DDX46: variants seen among roughly 807,000 people sequenced by gnomAD.
DDX46 encodes DEAD-box helicase 46.
DDX46 carries 30 observed loss-of-function variants against 134.9 expected under a neutral mutation model. The observed-to-expected ratio is 0.22, with a 90% CI of 0.17 to 0.30. The LOEUF (loss-of-function observed/expected upper bound fraction) is 0.30. DDX46 is among the 10% of genes least tolerant of loss of function. The pLI is 1.00. For missense variants in DDX46, 622 were observed against 1,248.7 expected, an observed-to-expected ratio of 0.50 and a Z score of 7.56; for synonymous variants, 415 against 404.1, an observed-to-expected ratio of 1.03 and a Z score of -0.32.
intron 21 of DDX46, among the ~76,000 whole-genome samples, chr5:134,825,087 AC>A (rs1401529435): frequency 2.0e-5 from 3 of 152,160 alleles, no homozygotes; most frequent in African/African-American, 7.2e-5. Flanking sequence ...CAGAATTTAA[AC>A]TGGTCCAAAT....
At chr5:134,792,134 A>G (rs947486234) in intron 13 of DDX46, among the ~76,000 whole-genome samples, 3 of 152,124 alleles carry the variant, frequency 2.0e-5, no homozygotes, top group Non-Finnish European at 2.9e-5. Context: ...CCGAGATCGC[A>G]TTACTGTACT....
At chr5:134,763,873 G>C in intron 1 of DDX46, 31 bp from the exon 2 acceptor site, 1 of 1,585,802 alleles carries the variant, frequency 6.3e-7, no homozygotes, top group East Asian at 2.3e-5. Context: ...AATGGTGTTT[G>C]CTGAACTTAA....
rs1754199940 is a variant in DDX46, at chr5:134,782,930, G to A, written c.1046-15G>A. 2.5e-6 allele frequency: 4 copies of A among 1,608,702 alleles called. No individual in the cohort carries two copies. Among genetic ancestry groups the A allele is most frequent in the African/African-American group, 1.3e-5 (1 of 74,620 alleles). On this transcript the variant is annotated splice_polypyrimidine_tract_variant and intron_variant, in intron 8 of 22. Coordinates refer to ENST00000452510, the MANE Select transcript of DDX46 (RefSeq NM_001300860.2). ...ACAATATTTAAGAACTTTTAATCTGGGTTTTGTTTTGTAGAGGTAAATGTG... is the reference window on the plus strand; with the variant it reads ...ACAATATTTAAGAACTTTTAATCTGAGTTTTGTTTTGTAGAGGTAAATGTG...
chr5:134,768,404 CTGGCCAGAAAAATT>C (rs1158131136), intron 3 of DDX46, among the ~76,000 whole-genome samples: 3 of 151,502 alleles, frequency 2.0e-5, no homozygotes, highest in Non-Finnish European at 4.4e-5. Flanking sequence ...GCCACCGTGC[CTGGCCAGAAAAATT>C]TTTAAATTGC....
At position 134,817,615 on chromosome 5, in the gene DDX46, T is replaced by C; in HGVS notation, c.2733T>C (p.Tyr911=). The part of the protein sequence containing the change: ...LAEKINAKLN[Y]VPLEKQEEER... ...AAAAGATCAATGCCAAGCTCAATTA[T>C]GTGCCGTTAGAGAAACAAGAAGAAG... Residue 911 remains tyrosine (Y), a synonymous_variant, in exon 20 of 23, where the codon TAT becomes TAC. Coordinates refer to ENST00000452510, the MANE Select transcript of DDX46 (RefSeq NM_001300860.2). The C allele has an allele frequency of 6.2e-7, 1 of 1,614,170 alleles. No individual in the cohort carries two copies. The highest frequency in any genetic ancestry group is 8.5e-7 in the Non-Finnish European group (1 of 1,180,032).
chr5:134,805,609 A>G (rs185579500), intron 15 of DDX46, among the ~76,000 whole-genome samples: 17 of 151,580 alleles, frequency 1.1e-4, no homozygotes, highest in African/African-American at 3.9e-4. Context: ...GCTCACGGCA[A>G]TTTCCACCTC....
At chr5:134,817,861 A>G (rs1344000640) in intron 20 of DDX46, 147 bp downstream of exon 20, 11 of 675,320 alleles carry the variant, frequency 1.6e-5, no homozygotes, top group Non-Finnish European at 2.7e-5. Context: ...TTTGATTTTT[A>G]TGAGTATGTT....
At chr5:134,811,113 ATGT>A in intron 16 of DDX46, 105 bp from the exon 17 acceptor site, 1 of 942,438 alleles carries the variant, frequency 1.1e-6, no homozygotes, top group Non-Finnish European at 1.5e-6. Flanking sequence ...TCTTTAGTTA[ATGT>A]TGTCAATCTC....
At chr5:134,784,762 C>T (rs1580791056) in intron 10 of DDX46, 1 of 296,384 alleles carries the variant, frequency 3.4e-6, no homozygotes, top group African/African-American at 2.2e-5. Context: ...AACAGCCTCT[C>T]CTGGCACAGC....
chr5:134,806,225 A>G (rs78667698), intron 15 of DDX46, among the ~76,000 whole-genome samples: 12 of 152,142 alleles, frequency 7.9e-5, no homozygotes, highest in Admixed American at 2.0e-4. Flanking sequence ...AAAAAAAAAA[A>G]AGAGACATCC....
chr5:134,804,996 G>A, intron 15 of DDX46: 1 of 381,714 alleles, frequency 2.6e-6, no homozygotes, highest in South Asian at 2.3e-5. Context: ...CATGCCACCT[G>A]CAGATTTTGG....
Position 134,782,159 on chromosome 5 carries a change from A to C in DDX46, c.1045+73A>C. The C allele has an allele frequency of 9.5e-6, 13 of 1,375,218 alleles. No homozygotes were observed. The South Asian group carries it at 1.7e-4, about 18-fold the overall frequency. The allele number at this position is 1,375,218 out of a possible 1,614,324, so 85.2% of individuals were successfully genotyped here. On this transcript the variant is annotated intron_variant, in intron 8 of 22. Transcript: ENST00000452510. ...ATACATTTCACATTGCTCAAGAGAA[A>C]TGTGGATAGTGTCTCATGAAGGAGG...
intron 16 of DDX46, among the ~76,000 whole-genome samples, chr5:134,810,343 CTT>C: frequency 6.9e-6 from 1 of 144,914 alleles, no homozygotes; most frequent in East Asian, 2.0e-4. Flanking sequence ...ACCTATGTTT[CTT>C]TTTTTTTTTT....
At chr5:134,764,829 C>CCATCTCT (rs1753511054) in intron 2 of DDX46, among the ~76,000 whole-genome samples, 1 of 151,184 alleles carries the variant, frequency 6.6e-6, no homozygotes, top group Non-Finnish European at 1.5e-5. Flanking sequence ...TTCCCTCCCT[C>CCATCTCT]CCTTCCTCCA....
intron 4 of DDX46, 112 bp from the exon 5 acceptor site, chr5:134,773,584 C>T: frequency 8.0e-7 from 1 of 1,252,806 alleles, no homozygotes; most frequent in South Asian, 1.8e-5. Flanking sequence ...TGCCTTTTTT[C>T]CCCTTCTTTA....
intron 11 of DDX46, among the ~76,000 whole-genome samples, chr5:134,787,480 A>C (rs1452709352): frequency 6.6e-6 from 1 of 152,230 alleles, no homozygotes. Context: ...GACTATTGTT[A>C]CAAGAACACA....
Position 134,795,204 on chromosome 5 carries a change from G to GTT in DDX46, c.1791+204_1791+205dup, listed in dbSNP as rs879550711. On this transcript the variant is annotated intron_variant, in intron 14 of 22. Coordinates refer to ENST00000452510, the MANE Select transcript of DDX46 (RefSeq NM_001300860.2). Reference sequence around the variant, plus strand: ...TTCCACGGAGCTATTTAAAATGCTTGTTTTTTTTTTTTTTTGTTTTTTTTT... The same window carrying GTT: ...TTCCACGGAGCTATTTAAAATGCTTGTTTTTTTTTTTTTTTTTGTTTTTTTTT... Among the ~76,000 whole-genome samples the GTT allele has an allele frequency of 1.3e-3, 160 of 125,680 alleles. 3 individuals are homozygous for GTT. Among genetic ancestry groups the GTT allele is most frequent in the African/African-American group, 3.8e-3 (127 of 33,118 alleles). The allele number at this position is 125,680 out of a possible 152,430, so 82.5% of individuals were successfully genotyped here. A position where few individuals can be genotyped will look rare whatever the true frequency, so the allele number is the denominator to read the frequency against.
At chr5:134,787,461 G>A (rs1013571926) in intron 11 of DDX46, among the ~76,000 whole-genome samples, 11 of 152,188 alleles carry the variant, frequency 7.2e-5, no homozygotes, top group Non-Finnish European at 1.6e-4. Flanking sequence ...CTACAAAACT[G>A]TTTCTTAGGA....
At position 134,758,933 on chromosome 5, in the gene DDX46, G is replaced by A. The variant is rs989833050; in HGVS notation, c.-6G>A. The stretch of plus-strand genomic sequence containing the variant: ...CAAGGGCACCAGTATTCCCGCGGTC[G>A]GCAGCATGGGTCGGGAGTCACGGTG... On this transcript the variant is annotated 5_prime_UTR_variant, in exon 1 of 23. Coordinates refer to ENST00000452510, the MANE Select transcript of DDX46 (RefSeq NM_001300860.2). 1.2e-6 allele frequency: 2 copies of A among 1,613,160 alleles called. No individual in the cohort carries two copies. Among genetic ancestry groups the A allele is most frequent in the Non-Finnish European group, 1.7e-6 (2 of 1,179,888 alleles).
Sources: allele counts gnomAD v4.1 joint callset (sites outside exome capture counted in the v4.1 genomes callset), GRCh38; gene constraint gnomAD v4.1.1; transcripts MANE v1.5; gene names NCBI Gene and HGNC (gene_info 2026-07-23, HGNC 2026-07-21).